The following RBSN variants were observed in gnomAD, a reference collection of about 807,000 sequenced individuals.
RBSN encodes rabenosyn-5.
In RBSN, 34 loss-of-function variants were observed where a neutral mutation model predicts 60.5. The observed-to-expected ratio is 0.56, with a 90% CI of 0.43 to 0.75. The LOEUF (loss-of-function observed/expected upper bound fraction) is 0.75, where lower values mean the gene tolerates loss of function less well. RBSN is among the 30% of genes least tolerant of loss of function. RBSN has a pLI of 0.00. For synonymous variants in RBSN, 322 were observed against 366.9 expected (o/e 0.88, Z 1.40); for missense variants, 845 against 986.8 (o/e 0.86, Z 1.92).
chr3:15,091,253 AGT>A, intron 4 of RBSN: 1 of 507,860 alleles, frequency 2.0e-6, no homozygotes, highest in Non-Finnish European at 2.5e-6. Flanking sequence ...ACTATACCTC[AGT>A]TAAAATAATG....
chr3:15,085,360 G>A (rs762389077), intron 6 of RBSN, among the ~76,000 whole-genome samples: 12 of 152,262 alleles, frequency 7.9e-5, no homozygotes, highest in Admixed American at 1.3e-4. Context: ...ATTCTCCACG[G>A]TGCTCCTGGA....
chr3:15,090,113 C>G (rs568132556), intron 5 of RBSN, among the ~76,000 whole-genome samples: 8 of 152,168 alleles, frequency 5.3e-5, no homozygotes, highest in African/African-American at 1.7e-4. Context: ...GGATTCATAC[C>G]CTACTTCTGC....
Position 15,073,867 on chromosome 3 carries a change from C to T in RBSN, c.2270G>A (p.Gly757Asp), listed in dbSNP as rs1692553682. Residue 757 changes from glycine to aspartate, a missense_variant, in exon 14 of 14, where the codon GGC (glycine) becomes GAC (aspartate). Gly to Asp is a moderately conservative substitution (Grantham distance 94, BLOSUM62 -1). Transcript: ENST00000253699. ...CAGCACCTCTACCTCATCCAGGCGG[C>T]CGCACTGCTTGGCATCAAAGATGTA... is the stretch of plus-strand genomic sequence containing the variant. ...KAYIFDAKQC[G>D]RLDEVEVLTE... 3 of 1,613,916 alleles carry T rather than the reference C, an allele frequency of 1.9e-6. No homozygotes were observed. Among genetic ancestry groups the T allele is most frequent in the Non-Finnish European group, 2.5e-6 (3 of 1,180,026 alleles).
At chr3:15,092,583 A>AT (rs1040586396) in intron 4 of RBSN, among the ~76,000 whole-genome samples, 4 of 151,548 alleles carry the variant, frequency 2.6e-5, no homozygotes, top group Non-Finnish European at 5.9e-5. Flanking sequence ...TAATTTTTGT[A>AT]TTTTTTTTAG....
At chr3:15,085,763 G>T in intron 6 of RBSN, 98 bp downstream of exon 6, 3 of 961,974 alleles carry the variant, frequency 3.1e-6, no homozygotes, top group Non-Finnish European at 4.9e-6. Context: ...ACCATCAGAT[G>T]TATATGATAT....
chr3:15,097,950 C>T (rs1322087091), intron 2 of RBSN, among the ~76,000 whole-genome samples, 169 bp downstream of exon 2: 1 of 152,160 alleles, frequency 6.6e-6, no homozygotes, highest in Admixed American at 6.5e-5. Flanking sequence ...CTGTTCCCTC[C>T]CCAGCCAGTG....
chr3:15,089,753 G>A (rs2043457666), intron 5 of RBSN, among the ~76,000 whole-genome samples: 1 of 151,950 alleles, frequency 6.6e-6, no homozygotes. Context: ...TGGGACTACA[G>A]GCGCCCGCCA....
At chr3:15,095,194 T>G (rs946818921) in intron 4 of RBSN, among the ~76,000 whole-genome samples, 1 of 151,990 alleles carries the variant, frequency 6.6e-6, no homozygotes, top group African/African-American at 2.4e-5. Context: ...GTTTTTTTTT[T>G]TAATTTTTTT....
intron 2 of RBSN, among the ~76,000 whole-genome samples, chr3:15,097,686 A>T (rs984056174): frequency 3.3e-5 from 5 of 152,226 alleles, no homozygotes; most frequent in African/African-American, 1.2e-4. Flanking sequence ...CCATTCCACA[A>T]AAGCAGAGAA....
In RBSN at chr3:15,074,354, G is replaced by A; in HGVS notation, c.1783C>T (p.Gln595Ter). 2 of 1,614,156 alleles carry A rather than the reference G, an allele frequency of 1.2e-6. No individual in the cohort carries two copies. Among genetic ancestry groups the A allele is most frequent in the Non-Finnish European group, 1.7e-6 (2 of 1,180,032 alleles). ...APKTPSLSST[Q>*]PTRVWSGPPA... is the part of the protein sequence containing the mutation. The stretch of plus-strand genomic sequence containing the variant: ...GGCCCAGACCACACTCTGGTGGGTT[G>A]AGTTGAGCTAAGTGAAGGGGTCTTG... Residue 595 changes from glutamine to a stop codon, truncating the protein, a stop_gained, in exon 14 of 14, where the codon CAA (glutamine) becomes TAA (stop). Coordinates refer to ENST00000253699, the MANE Select transcript of RBSN (RefSeq NM_022340.4). LOFTEE classifies it low-confidence loss of function (END_TRUNC). The surrounding 1 kb of genome is among the most constrained non-coding windows in gnomAD (Gnocchi z 6.4).
rs1490076194 is a variant in RBSN, at chr3:15,074,689, C to A, written c.1448G>T (p.Arg483Leu). The change falls in exon 14 of 14, where the codon CGC becomes CTC. Residue 483 changes from arginine to leucine, a missense_variant. Transcript: ENST00000253699. The surrounding 1 kb of genome is among the most constrained non-coding windows in gnomAD (Gnocchi z 6.4). Reference protein sequence around the residue: ...AKAAGRMDEVRTLQENLRQLQ... With the variant: ...AKAAGRMDEVLTLQENLRQLQ... ...CTGCCGCAGGTTCTCCTGCAGAGTG[C>A]GCACTTCATCCATGCGGCCCGCGGC... 3 of 1,614,244 alleles carry A rather than the reference C, an allele frequency of 1.9e-6. No individual in the cohort carries two copies. The highest frequency in any genetic ancestry group is 2.5e-6 in the Non-Finnish European group (3 of 1,180,044).
Position 15,084,439 on chromosome 3 carries a change from G to T in RBSN, c.598+296C>A, listed in dbSNP as rs188405322. Among the ~76,000 whole-genome samples, 10 of 151,472 alleles carry T rather than the reference G, an allele frequency of 6.6e-5. No homozygotes were observed. Among genetic ancestry groups the T allele is most frequent in the African/African-American group, 2.4e-4 (10 of 41,346 alleles). ...AGTCTAGTGTTCACATTTTTAAAAG[G>T]TTGTTTAAAGAAAGAAGAAATGTCA... On this transcript the variant is annotated intron_variant, in intron 8 of 13. Transcript: ENST00000253699. The surrounding 1 kb of genome is among the most constrained non-coding windows in gnomAD (Gnocchi z 4.2).
chr3:15,083,029 T>C (rs1307389047), intron 8 of RBSN, among the ~76,000 whole-genome samples: 1 of 152,216 alleles, frequency 6.6e-6, no homozygotes, highest in Non-Finnish European at 1.5e-5. Context: ...TTGCCCATTT[T>C]GGAGCACTTT....
At chr3:15,076,001 C>T (rs1341383277) in intron 12 of RBSN, among the ~76,000 whole-genome samples, 1 of 152,022 alleles carries the variant, frequency 6.6e-6, no homozygotes. Context: ...CTTAGCAAAC[C>T]TCAATCCCAG....
At chr3:15,076,988 GGA>G in intron 12 of RBSN, 72 bp downstream of exon 12, 5 of 1,256,710 alleles carry the variant, frequency 4.0e-6, no homozygotes, top group Non-Finnish European at 5.8e-6. Flanking sequence ...TCATTGGCAT[GGA>G]TCTGCCTCCT....
rs141479781 is a variant in RBSN at position 15,096,021 on chromosome 3, C to G, written c.100G>C (p.Glu34Gln). The change falls in exon 4 of 14, where the codon GAG (glutamate) becomes CAG (glutamine). Residue 34 changes from glutamate to glutamine, a missense_variant. Glu to Gln is a conservative substitution (Grantham distance 29). Coordinates refer to ENST00000253699, the MANE Select transcript of RBSN (RefSeq NM_022340.4). ...CGGTCTTCCCCTGAGTGTTCTTCCT[C>G]GTAATGTGAGTGAAGCTGATAGAAA... ...QSFYQLHSHY[E>Q]EEHSGEDRDV... 1,945 of 1,614,140 alleles carry G rather than the reference C, an allele frequency of 1.2e-3. 3 individuals carry two copies. The highest frequency in any genetic ancestry group is 1.5e-3 in the Non-Finnish European group (1,807 of 1,180,014).
In RBSN at chr3:15,074,146, A is replaced by G. The variant is rs1018813001; in HGVS notation, c.1991T>C (p.Phe664Ser). ...TTCCTCCTCCTCGTCCTCTTCCTCGAAAGGATTGTACTCTTTCAGGATGCG... is the reference window on the plus strand; with the variant it reads ...TTCCTCCTCCTCGTCCTCTTCCTCGGAAGGATTGTACTCTTTCAGGATGCG... ...SARILKEYNPFEEEDEEEEAV... is the reference protein window; with the variant it reads ...SARILKEYNPSEEEDEEEEAV... Residue 664 changes from phenylalanine to serine, a missense_variant, in exon 14 of 14, where the codon TTC (phenylalanine) becomes TCC (serine). Coordinates refer to ENST00000253699, the MANE Select transcript of RBSN (RefSeq NM_022340.4). This position sits in a 1 kb window ranked among gnomAD's most constrained non-coding sequence, Gnocchi z 6.4. 2.5e-6 allele frequency: 4 copies of G among 1,613,754 alleles called. No homozygotes were observed. In the African/African-American group the frequency reaches 5.3e-5, roughly 22 times the overall value.
rs112479145 is a variant in RBSN at position 15,088,387 on chromosome 3, T to TA, written c.289+2011_289+2012insT. Among the ~76,000 whole-genome samples the TA allele has an allele frequency of 1.5e-3, 227 of 150,308 alleles. 1 individual carries two copies. The highest frequency in any genetic ancestry group is 4.3e-3 in the African/African-American group (179 of 41,164). On this transcript the variant is annotated intron_variant, in intron 5 of 13. Coordinates refer to ENST00000253699, the MANE Select transcript of RBSN (RefSeq NM_022340.4). ...TACATATGTATAGTATTATTATTAT[T>TA]TTTTTTTTTTGAGACAGAGTCTCGC...
At chr3:15,085,404 A>C (rs1163968962) in intron 6 of RBSN, among the ~76,000 whole-genome samples, 1 of 152,200 alleles carries the variant, frequency 6.6e-6, no homozygotes, top group Non-Finnish European at 1.5e-5. Context: ...TGCCTTACAA[A>C]GTACACATAA....
Sources: allele counts gnomAD v4.1 joint callset (sites outside exome capture counted in the v4.1 genomes callset), GRCh38; gene constraint gnomAD v4.1.1; non-coding constraint Gnocchi (gnomAD v3.1); transcripts MANE v1.5; gene names NCBI Gene and HGNC (gene_info 2026-07-23, HGNC 2026-07-21).